Variants in CTNNA2 observed in about 807,000 individuals in gnomAD.
CTNNA2 encodes the protein catenin alpha 2.
In CTNNA2, 42 loss-of-function variants were observed where a neutral mutation model predicts 101.0. The ratio of observed to expected loss-of-function variants is 0.42; its 90% CI spans 0.32 to 0.54. The LOEUF is 0.54. Ranked by LOEUF, CTNNA2 falls within the 20% of genes least tolerant of loss-of-function variation. CTNNA2 has a pLI of 0.14. For missense variants in CTNNA2, 871 were observed against 1,223.1 expected (o/e 0.71, Z 4.29); for synonymous variants, 450 against 456.4 (o/e 0.99, Z 0.18).
chr2:79,497,208 A>G (rs886126275), intron 4 of CTNNA2, among the ~76,000 whole-genome samples: 3 of 152,198 alleles, frequency 2.0e-5, no homozygotes, highest in African/African-American at 7.2e-5. Flanking sequence ...CTTTACATGG[A>G]GACCGTACTC....
At chr2:79,873,966 G>A (rs1459626482) in intron 5 of CTNNA2, 110 bp from the exon 6 acceptor site, 3 of 1,473,286 alleles carry the variant, frequency 2.0e-6, no homozygotes, top group Non-Finnish European at 2.7e-6. Flanking sequence ...AACAGCACAA[G>A]GGTTTCTGAA....
At chr2:79,791,455 A>C (rs1230988985) in intron 3 of CTNNA2, among the ~76,000 whole-genome samples, 1 of 152,298 alleles carries the variant, frequency 6.6e-6, no homozygotes, top group South Asian at 2.1e-4. Flanking sequence ...GGGTTAGGAT[A>C]ATGTATTGAG....
intron 3 of CTNNA2, among the ~76,000 whole-genome samples, chr2:79,784,036 C>A (rs1318823466): frequency 6.6e-6 from 1 of 152,100 alleles, no homozygotes; most frequent in Non-Finnish European, 1.5e-5. Context: ...TTTTCTTCTG[C>A]TCATATTGAA....
At chr2:80,407,766 T>C (rs530205668) in intron 8 of CTNNA2, among the ~76,000 whole-genome samples, 11 of 152,344 alleles carry the variant, frequency 7.2e-5, no homozygotes, top group African/African-American at 2.4e-4. Flanking sequence ...GGAGTAATCA[T>C]TGGGCTTCTA....
intron 1 of CTNNA2, among the ~76,000 whole-genome samples, chr2:79,589,930 T>C (rs1292452667): frequency 6.6e-6 from 1 of 152,174 alleles, no homozygotes; most frequent in Non-Finnish European, 1.5e-5. Flanking sequence ...AGCTTGGAGC[T>C]CCCTCTTCTA....
At chr2:79,791,491 A>G (rs1319560619) in intron 3 of CTNNA2, among the ~76,000 whole-genome samples, 1 of 152,214 alleles carries the variant, frequency 6.6e-6, no homozygotes, top group Non-Finnish European at 1.5e-5. Context: ...TCCTGCCTGC[A>G]TCTTCTCTTC....
intron 1 of CTNNA2, among the ~76,000 whole-genome samples, chr2:79,619,590 T>C (rs1022665685): frequency 6.6e-6 from 1 of 152,216 alleles, no homozygotes; most frequent in African/African-American, 2.4e-5. Flanking sequence ...TAAAACGCCT[T>C]TTTTGAAGCT....
chr2:79,466,968 G>A (rs1022940267), intron 4 of CTNNA2, among the ~76,000 whole-genome samples: 7 of 152,154 alleles, frequency 4.6e-5, no homozygotes, highest in African/African-American at 7.2e-5. Context: ...AAATCAGAGC[G>A]CCTCTCCCCC....
chr2:80,030,292 G>A (rs1695207163), intron 7 of CTNNA2, among the ~76,000 whole-genome samples: 1 of 151,538 alleles, frequency 6.6e-6, no homozygotes, highest in African/African-American at 2.4e-5. Flanking sequence ...GACTGTCCCA[G>A]CACTAGCTCC....
At chr2:80,116,583 T>A (rs1201792753) in intron 7 of CTNNA2, among the ~76,000 whole-genome samples, 2 of 152,086 alleles carry the variant, frequency 1.3e-5, no homozygotes, top group Non-Finnish European at 2.9e-5. Flanking sequence ...GCTGCTGACA[T>A]GGTCTAGAGA....
At chr2:79,594,480 A>C (rs1161327603) in intron 1 of CTNNA2, among the ~76,000 whole-genome samples, 1 of 152,214 alleles carries the variant, frequency 6.6e-6, no homozygotes, top group Non-Finnish European at 1.5e-5. Context: ...TGTATGATTT[A>C]GTATTTCTTA....
rs1249369418 is a variant in CTNNA2, at chr2:79,857,888, C to G, written c.299-125C>G. On this transcript the variant is annotated intron_variant, in intron 3 of 18. Coordinates refer to ENST00000402739, the MANE Select transcript of CTNNA2 (RefSeq NM_001282597.3). ...GGGCTCTTTGCTGCAATAGAGGTGGCAGAAATACCACCTGGTCATCAGAGT... is the reference window on the plus strand; with the variant it reads ...GGGCTCTTTGCTGCAATAGAGGTGGGAGAAATACCACCTGGTCATCAGAGT... 5 of 995,548 alleles carry G rather than the reference C, an allele frequency of 5.0e-6. No individual in the cohort carries two copies. The African/African-American group carries it at 8.0e-5, about 16-fold the overall frequency. 61.7% of individuals were successfully genotyped at this position (995,548 alleles called of 1,614,324 possible). A position where few individuals can be genotyped will look rare whatever the true frequency, so the allele number is the denominator to read the frequency against.
At chr2:79,678,288 T>C (rs978928374) in intron 2 of CTNNA2, among the ~76,000 whole-genome samples, 10 of 152,094 alleles carry the variant, frequency 6.6e-5, no homozygotes, top group African/African-American at 2.4e-4. Context: ...ACTCCTGTAA[T>C]CCTAGCACTT....
At chr2:79,299,828 A>G (rs1224400109) in intron 2 of CTNNA2, among the ~76,000 whole-genome samples, 1 of 152,250 alleles carries the variant, frequency 6.6e-6, no homozygotes, top group East Asian at 1.9e-4. Flanking sequence ...ACTGGGATTG[A>G]GCTGAGGCTA....
intron 7 of CTNNA2, among the ~76,000 whole-genome samples, chr2:80,238,266 G>A (rs1709650534): frequency 2.0e-5 from 3 of 152,150 alleles, no homozygotes; most frequent in Admixed American, 2.0e-4. Context: ...GCAAGGAGGG[G>A]CTGACAGCAC....
intron 7 of CTNNA2, among the ~76,000 whole-genome samples, chr2:79,929,182 A>G (rs1484757054): frequency 1.3e-5 from 2 of 152,156 alleles, no homozygotes; most frequent in Non-Finnish European, 1.5e-5. Flanking sequence ...TGAATATATC[A>G]TTTCATCCAA....
At chr2:79,286,383 G>A (rs574094803) in intron 2 of CTNNA2, among the ~76,000 whole-genome samples, 126 of 152,158 alleles carry the variant, frequency 8.3e-4, no homozygotes, top group East Asian at 2.5e-3. Flanking sequence ...ATTTTGCAGC[G>A]GCTGGTACCA....
intron 8 of CTNNA2, among the ~76,000 whole-genome samples, chr2:80,393,990 T>C (rs1324597765): frequency 6.6e-6 from 1 of 152,192 alleles, no homozygotes; most frequent in Non-Finnish European, 1.5e-5. Context: ...CTGAAAGAGA[T>C]TCTATCACCC....
chr2:80,048,188 T>C (rs1022743187), intron 7 of CTNNA2, among the ~76,000 whole-genome samples: 9 of 152,166 alleles, frequency 5.9e-5, no homozygotes, highest in African/African-American at 2.2e-4. Flanking sequence ...AAACAACAAA[T>C]GATTTTTAGT....
Sources: gnomAD v4.1 joint callset for allele counts (sites outside exome capture counted in the v4.1 genomes callset) on GRCh38, gnomAD v4.1.1 for gene constraint, MANE v1.5 for transcripts, NCBI Gene and HGNC (gene_info 2026-07-23, HGNC 2026-07-21) for gene names.